The following NADSYN1 variants were observed in gnomAD, a reference collection of about 807,000 sequenced individuals.
NADSYN1 encodes glutamine-dependent NAD(+) synthetase.
Under a neutral mutation model 99.3 loss-of-function variants are expected in NADSYN1, and 80 were observed. The observed-to-expected ratio is 0.81, with a 90% CI of 0.67 to 0.97. The LOEUF (loss-of-function observed/expected upper bound fraction) is 0.97. Among genes scored for constraint, NADSYN1 ranks in the 50% least tolerant of loss-of-function variants. The pLI is 0.00. For synonymous variants in NADSYN1, 385 were observed against 372.1 expected, an observed-to-expected ratio of 1.03 and a Z score of -0.40; for missense variants, 859 against 948.5, an observed-to-expected ratio of 0.91 and a Z score of 1.24.
chr11:71,467,579 T>A (rs1239903151), intron 5 of NADSYN1, among the ~76,000 whole-genome samples: 4 of 152,076 alleles, frequency 2.6e-5, no homozygotes, highest in African/African-American at 9.7e-5. Context: ...AAGAGCCAAA[T>A]AATAATGTGA....
At chr11:71,487,627 C>G (rs369210078) in intron 16 of NADSYN1, among the ~76,000 whole-genome samples, 77 of 151,808 alleles carry the variant, frequency 5.1e-4, no homozygotes, top group African/African-American at 1.8e-3. Context: ...GTCAGGAGAT[C>G]GAGACCATCC....
chr11:71,481,360 G>A lies in NADSYN1; in HGVS notation c.1003G>A (p.Gly335Arg). Residue 335 changes from glycine (G) to arginine (R), a missense_variant, in exon 12 of 21, where the codon GGA becomes AGA. Coordinates refer to ENST00000319023, the MANE Select transcript of NADSYN1 (RefSeq NM_018161.5). ...YHSPEEEISL[G>R]PACWLWDFLR... ...CATGTTCTGATTGCCCTGCAGCCTTGGACCTGCCTGCTGGCTCTGGGATTT... is the reference window on the plus strand; with the variant it reads ...CATGTTCTGATTGCCCTGCAGCCTTAGACCTGCCTGCTGGCTCTGGGATTT... The A allele has an allele frequency of 1.2e-6, 2 of 1,614,046 alleles. No homozygotes were observed. The highest frequency in any genetic ancestry group is 1.7e-6 in the Non-Finnish European group (2 of 1,180,018).
At chr11:71,495,108 G>C (rs574027785) in intron 18 of NADSYN1, among the ~76,000 whole-genome samples, 5 of 152,180 alleles carry the variant, frequency 3.3e-5, no homozygotes, top group Admixed American at 6.5e-5. Context: ...TCTCAAGGTG[G>C]AAAGTTAGGT....
chr11:71,491,247 G>T (rs1000258593), intron 17 of NADSYN1, among the ~76,000 whole-genome samples: 5 of 152,282 alleles, frequency 3.3e-5, no homozygotes, highest in African/African-American at 4.8e-5. Context: ...CCATGCCGAT[G>T]CTTGGCAGGC....
chr11:71,499,521 C>A (rs1479320231), intron 20 of NADSYN1: 1 of 152,194 alleles, frequency 6.6e-6, no homozygotes, highest in Non-Finnish European at 1.5e-5. Flanking sequence ...TTCTAAGTAG[C>A]CAGGGTATCC....
intron 5 of NADSYN1, 49 bp from the exon 6 acceptor site, chr11:71,472,400 A>G (rs1949632628): frequency 3.4e-6 from 5 of 1,475,384 alleles, no homozygotes; most frequent in Non-Finnish European, 4.8e-6. Flanking sequence ...GCCATTCCTC[A>G]TTTGTCCTGA....
chr11:71,462,918 C>A (rs1379036290), intron 3 of NADSYN1, among the ~76,000 whole-genome samples: 1 of 152,166 alleles, frequency 6.6e-6, no homozygotes, highest in East Asian at 1.9e-4. Context: ...GCTATGGTCC[C>A]CTTATCTGCA....
In NADSYN1 at chr11:71,484,426, C is replaced by A; in HGVS notation, c.1434C>A (p.Asn478Lys). 2 of 1,614,014 alleles carry A rather than the reference C, an allele frequency of 1.2e-6. No homozygotes were observed. The change falls in exon 15 of 21, where the codon AAC becomes AAA. Residue 478 changes from asparagine (N) to lysine (K), a missense_variant. Physicochemically the swap from Asn to Lys is moderately conservative, Grantham distance 94. Transcript: ENST00000319023. ...CTCATGGAGGAAGCAGCAGGGAAAACCTGGCGCTGCAAAATGTGCAGGTGC... is the reference window on the plus strand; with the variant it reads ...CTCATGGAGGAAGCAGCAGGGAAAAACTGGCGCTGCAAAATGTGCAGGTGC... ...FAAHGGSSRE[N>K]LALQNVQARI...
rs1426418996 is a variant in NADSYN1, at chr11:71,474,828, A to AG, written c.798+308dup. ...TGGCCTCAAATTTACCTGGTTGGTGAGGGGGGACCTCCCGCCCTCGGGTCT... is the reference window on the plus strand; with the variant it reads ...TGGCCTCAAATTTACCTGGTTGGTGAGGGGGGGACCTCCCGCCCTCGGGTCT... On this transcript the variant is annotated intron_variant, in intron 9 of 20. Coordinates refer to ENST00000319023, the MANE Select transcript of NADSYN1 (RefSeq NM_018161.5). 10 of 396,834 alleles carry AG rather than the reference A, an allele frequency of 2.5e-5. No individual in the cohort carries two copies. In the Admixed American group the frequency reaches 3.6e-4, roughly 14 times the overall value. 24.6% of individuals were successfully genotyped at this position (396,834 alleles called of 1,614,324 possible). A position where few individuals can be genotyped will look rare whatever the true frequency, so the allele number is the denominator to read the frequency against.
intron 3 of NADSYN1, chr11:71,460,012 A>C (rs1389266168): frequency 1.3e-5 from 2 of 152,442 alleles, no homozygotes; most frequent in Admixed American, 1.3e-4. Flanking sequence ...GAGACACTCC[A>C]GGAGGATCTG....
intron 5 of NADSYN1, among the ~76,000 whole-genome samples, chr11:71,464,707 A>C (rs913492455): frequency 2.0e-5 from 3 of 151,804 alleles, no homozygotes; most frequent in African/African-American, 7.3e-5. Flanking sequence ...CTCTACTAAA[A>C]ATACAAAAAA....
chr11:71,471,810 A>G (rs1268861339), intron 5 of NADSYN1, among the ~76,000 whole-genome samples: 1 of 152,180 alleles, frequency 6.6e-6, no homozygotes, highest in Admixed American at 6.5e-5. Flanking sequence ...TACTAAAACC[A>G]TGCCCAGAAG....
intron 10 of NADSYN1, chr11:71,478,734 G>T: frequency 7.0e-6 from 3 of 429,988 alleles, no homozygotes; most frequent in South Asian, 2.5e-5. Context: ...GACAGTCAGC[G>T]TGCTAGGGGC....
Position 71,484,301 on chromosome 11 carries a change from TCTC to T in NADSYN1, c.1320-8_1320-6del, listed in dbSNP as rs753550597. ...ACATGCTGCCTTCAACGCCTATCCT[TCTC>T]CTTCCAGCCACCACATCAGTCTCAA... On this transcript the variant is annotated splice_region_variant and splice_polypyrimidine_tract_variant and intron_variant, in intron 14 of 20. Transcript: ENST00000319023. 10 of 1,612,002 alleles carry T rather than the reference TCTC, an allele frequency of 6.2e-6. No individual in the cohort carries two copies. The highest frequency in any genetic ancestry group is 8.5e-6 in the Non-Finnish European group (10 of 1,178,238).
chr11:71,468,233 T>G (rs551350065), intron 5 of NADSYN1, among the ~76,000 whole-genome samples: 1 of 152,304 alleles, frequency 6.6e-6, no homozygotes, highest in East Asian at 1.9e-4. Context: ...AGAAGGAAAA[T>G]CATCCTAGCA....
intron 18 of NADSYN1, among the ~76,000 whole-genome samples, 154 bp downstream of exon 18, chr11:71,492,057 C>A (rs1263694359): frequency 6.6e-6 from 1 of 152,166 alleles, no homozygotes; most frequent in Admixed American, 6.5e-5. Context: ...GTGTCAGTCA[C>A]ATCCCTGGCC....
chr11:71,483,409 CG>C (rs1430445367), intron 14 of NADSYN1, among the ~76,000 whole-genome samples: 1 of 152,102 alleles, frequency 6.6e-6, no homozygotes, highest in Non-Finnish European at 1.5e-5. Context: ...GGCTGCAGGT[CG>C]TATGTGCTCA....
At chr11:71,491,712 A>C in intron 17 of NADSYN1, 122 bp from the exon 18 acceptor site, 1 of 847,734 alleles carries the variant, frequency 1.2e-6, no homozygotes, top group Non-Finnish European at 1.9e-6. Flanking sequence ...GTGACGTCCT[A>C]CCCACGGTGA....
In NADSYN1 at chr11:71,481,396, A is replaced by C; in HGVS notation, c.1039A>C (p.Ser347Arg). 2 of 1,613,890 alleles carry C rather than the reference A, an allele frequency of 1.2e-6. No homozygotes were observed. The highest frequency in any genetic ancestry group is 4.5e-5 in the East Asian group (2 of 44,842). The change falls in exon 12 of 21, where the codon AGT (serine) becomes CGT (arginine). Residue 347 changes from serine to arginine, a missense_variant. Transcript: ENST00000319023. ...CTGGCTCTGGGATTTTTTAAGACGA[A>C]GTCAACAGGTAAGACTTCCAGTTTC... ...ACWLWDFLRRSQQAGFLLPLS... is the reference protein window; with the variant it reads ...ACWLWDFLRRRQQAGFLLPLS...
Sources: gnomAD v4.1 joint callset for allele counts (sites outside exome capture counted in the v4.1 genomes callset) on GRCh38, gnomAD v4.1.1 for gene constraint, MANE v1.5 for transcripts, NCBI Gene and HGNC (gene_info 2026-07-23, HGNC 2026-07-21) for gene names.